The following NFIB variants were observed in gnomAD, a reference collection of about 807,000 sequenced individuals.
NFIB encodes nuclear factor I B.
Under a neutral mutation model 61.5 loss-of-function variants are expected in NFIB, and 11 were observed. The observed-to-expected ratio is 0.18, with a 90% CI of 0.11 to 0.30. The LOEUF (loss-of-function observed/expected upper bound fraction) is 0.30, where lower values mean the gene tolerates loss of function less well. Ranked by LOEUF, NFIB falls within the 10% of genes least tolerant of loss-of-function variation. The pLI, the probability that NFIB is intolerant of heterozygous loss-of-function variation, is 1.00. For synonymous variants in NFIB, 260 were observed against 216.5 expected (o/e 1.20, Z -1.76); for missense variants, 471 against 608.9 (o/e 0.77, Z 2.38).
chr9:14,341,871 G>T (rs777442061), intron 1 of NFIB, among the ~76,000 whole-genome samples: 17 of 150,866 alleles, frequency 1.1e-4, no homozygotes, highest in Middle Eastern at 3.4e-3. Context: ...GCTTCCAGAT[G>T]CACTGATGTC....
At chr9:14,248,286 GC>G (rs2055166110) in intron 2 of NFIB, among the ~76,000 whole-genome samples, 1 of 139,430 alleles carries the variant, frequency 7.2e-6, no homozygotes, top group South Asian at 2.4e-4. Flanking sequence ...AAACTGCCCT[GC>G]CCTCCCCTCT....
chr9:14,164,965 A>G (rs2044616937), intron 3 of NFIB, among the ~76,000 whole-genome samples: 1 of 152,184 alleles, frequency 6.6e-6, no homozygotes, highest in Admixed American at 6.5e-5. Context: ...TTCCAGAGCC[A>G]CTAGCACTGG....
chr9:14,487,435 G>T, the NFIB span, among the ~76,000 whole-genome samples: 1 of 152,146 alleles, frequency 6.6e-6, no homozygotes, highest in African/African-American at 2.4e-5. Flanking sequence ...AGAATTTAAG[G>T]TCTTTTGGGA....
chr9:14,413,953 C>A, the NFIB span, among the ~76,000 whole-genome samples: 3 of 152,096 alleles, frequency 2.0e-5, no homozygotes. Flanking sequence ...CTGTGGAAAT[C>A]CTACTTGGTT....
chr9:14,353,787 T>C (rs1026792099), intron 1 of NFIB, among the ~76,000 whole-genome samples: 1 of 151,684 alleles, frequency 6.6e-6, no homozygotes, highest in Non-Finnish European at 1.5e-5. Flanking sequence ...GAAGTTGAAA[T>C]AGCCGTTGCT....
intron 2 of NFIB, among the ~76,000 whole-genome samples, chr9:14,182,764 A>C (rs1165459983): frequency 1.1e-5 from 1 of 90,916 alleles, no homozygotes; most frequent in East Asian, 2.9e-4. Flanking sequence ...GTGTGTATTT[A>C]ATATGTTACA....
At chr9:14,302,075 A>G (rs1034851731) in intron 2 of NFIB, among the ~76,000 whole-genome samples, 1 of 152,230 alleles carries the variant, frequency 6.6e-6, no homozygotes, top group African/African-American at 2.4e-5. Flanking sequence ...CAGTGCAGAC[A>G]CACCAAATCA....
the NFIB span, among the ~76,000 whole-genome samples, chr9:14,473,745 C>A: frequency 2.0e-5 from 3 of 152,220 alleles, no homozygotes; most frequent in South Asian, 4.1e-4. Flanking sequence ...CACACAAATG[C>A]ACTTGCCTTT....
chr9:14,355,282 A>G (rs528723704), intron 1 of NFIB, among the ~76,000 whole-genome samples: 6 of 152,314 alleles, frequency 3.9e-5, no homozygotes, highest in Admixed American at 2.6e-4. Flanking sequence ...GGACACAGAC[A>G]TGTATAGAGG....
At chr9:14,238,161 G>C (rs569399060) in intron 2 of NFIB, among the ~76,000 whole-genome samples, 2 of 151,872 alleles carry the variant, frequency 1.3e-5, no homozygotes, top group South Asian at 2.1e-4. Flanking sequence ...CCCTACCTAC[G>C]ATCATCTGAG....
At chr9:14,344,307 G>C (rs2060992635) in intron 1 of NFIB, among the ~76,000 whole-genome samples, 1 of 151,904 alleles carries the variant, frequency 6.6e-6, no homozygotes, top group African/African-American at 2.4e-5. Flanking sequence ...AGTGGGGTGA[G>C]AGAGAAAGTC....
At chr9:14,288,785 C>G (rs2058880381) in intron 2 of NFIB, among the ~76,000 whole-genome samples, 1 of 152,042 alleles carries the variant, frequency 6.6e-6, no homozygotes, top group South Asian at 2.1e-4. Flanking sequence ...TTGTAAATTA[C>G]TCGGACAAGG....
chr9:14,160,433 A>T (rs957298803), intron 3 of NFIB, among the ~76,000 whole-genome samples: 5 of 152,152 alleles, frequency 3.3e-5, no homozygotes, highest in Admixed American at 1.3e-4. Flanking sequence ...TATTCTTGAA[A>T]TTAAAAAAAA....
chr9:14,303,815 C>T (rs551113958), intron 2 of NFIB, among the ~76,000 whole-genome samples: 2 of 152,238 alleles, frequency 1.3e-5, no homozygotes, highest in Admixed American at 6.5e-5. Context: ...CTTGTAGCAA[C>T]GAAACAGCCG....
intron 2 of NFIB, among the ~76,000 whole-genome samples, chr9:14,257,197 A>C (rs2056301071): frequency 6.6e-6 from 1 of 152,224 alleles, no homozygotes; most frequent in Non-Finnish European, 1.5e-5. Context: ...AATGAGGGGA[A>C]GTACGAGGTT....
intron 2 of NFIB, among the ~76,000 whole-genome samples, chr9:14,281,535 C>T (rs554384723): frequency 5.3e-5 from 8 of 152,132 alleles, no homozygotes; most frequent in Non-Finnish European, 1.2e-4. Flanking sequence ...GCACTATATC[C>T]ACAGCATACT....
At chr9:14,284,307 T>C (rs118116954) in intron 2 of NFIB, among the ~76,000 whole-genome samples, 7 of 152,292 alleles carry the variant, frequency 4.6e-5, no homozygotes, top group Non-Finnish European at 8.8e-5. Context: ...ATAAGGAGGA[T>C]TGCTGTCTTT....
chr9:14,371,007 A>G (rs867085792), intron 1 of NFIB, among the ~76,000 whole-genome samples: 25 of 152,328 alleles, frequency 1.6e-4, no homozygotes, highest in Admixed American at 4.6e-4. Context: ...AGGCAGGAGA[A>G]TCACTTGAAC....
At chr9:14,275,716 GAA>G (rs1237001023) in intron 2 of NFIB, among the ~76,000 whole-genome samples, 2 of 152,060 alleles carry the variant, frequency 1.3e-5, no homozygotes. Context: ...GTCTGCAGGA[GAA>G]AAGAGATGCT....
Sources: gnomAD v4.1 joint callset for allele counts (sites outside exome capture counted in the v4.1 genomes callset) on GRCh38, gnomAD v4.1.1 for gene constraint, MANE v1.5 for transcripts, NCBI Gene and HGNC (gene_info 2026-07-23, HGNC 2026-07-21) for gene names.